RRN3: variants seen among roughly 807,000 people sequenced by gnomAD.
The protein encoded by RRN3 is RNA polymerase I-specific transcription initiation factor RRN3.
RRN3 carries 38 observed loss-of-function variants against 82.3 expected under a neutral mutation model. The ratio of observed to expected loss-of-function variants is 0.46; its 90% CI spans 0.36 to 0.61. The LOEUF (loss-of-function observed/expected upper bound fraction) is 0.61. Ranked by LOEUF, RRN3 falls within the 20% of genes least tolerant of loss-of-function variation. The probability of loss-of-function intolerance (pLI) is 0.00; values close to 1 mark genes in which losing one functional copy is unlikely to be tolerated. For missense variants in RRN3, 726 were observed against 793.1 expected (o/e 0.92, Z 1.02); for synonymous variants, 284 against 284.3 (o/e 1.00, Z 0.01).
chr16:15,082,447 TA>T (rs2045746900), intron 8 of RRN3, among the ~76,000 whole-genome samples: 1 of 152,042 alleles, frequency 6.6e-6, no homozygotes, highest in South Asian at 2.1e-4. Context: ...TGGAGACGGG[TA>T]GATCGCTTGA....
chr16:15,083,393 G>A (rs1035890699), intron 8 of RRN3, 120 bp downstream of exon 8: 38 of 1,435,402 alleles, frequency 2.6e-5, no homozygotes, highest in African/African-American at 1.2e-4. Flanking sequence ...AGTGAGACTC[G>A]GTCTCAAAAA....
chr16:15,066,463 T>C (rs1368683621), intron 15 of RRN3, among the ~76,000 whole-genome samples: 1 of 151,734 alleles, frequency 6.6e-6, no homozygotes, highest in Non-Finnish European at 1.5e-5. Flanking sequence ...TGAAACCCCA[T>C]CTCTACTAAA....
chr16:15,090,125 G>T (rs1434160522), intron 3 of RRN3, among the ~76,000 whole-genome samples: 1 of 151,930 alleles, frequency 6.6e-6, no homozygotes, highest in Non-Finnish European at 1.5e-5. Context: ...CAGGAGAATT[G>T]CTTGAACCCA....
intron 3 of RRN3, 52 bp downstream of exon 3, chr16:15,091,263 T>A (rs1184432963): frequency 3.7e-6 from 6 of 1,603,026 alleles, no homozygotes; most frequent in South Asian, 2.2e-5. Flanking sequence ...GCAAACTATG[T>A]CTGTATACAG....
chr16:15,073,303 C>A (rs936578156), intron 11 of RRN3, among the ~76,000 whole-genome samples: 12 of 151,856 alleles, frequency 7.9e-5, no homozygotes, highest in Admixed American at 5.2e-4. Context: ...TACAAAAAAT[C>A]AAAAAATTAG....
chr16:15,060,260 AT>A lies in RRN3; in HGVS notation c.*1483del. ...TTTTATCTAATATTAAAAAATCAAC[AT>A]TTTGCCAGCAGTTAAAAAGACAACC... On this transcript the variant is annotated 3_prime_UTR_variant, in exon 18 of 18. Transcript: ENST00000198767. 6.1e-6 allele frequency: 2 copies of A among 326,104 alleles called. No individual in the cohort carries two copies. The highest frequency in any genetic ancestry group is 4.1e-4 in the Middle Eastern group (1 of 2,436). The allele number at this position is 326,104 out of a possible 1,614,324, so 20.2% of individuals were successfully genotyped here.
intron 8 of RRN3, among the ~76,000 whole-genome samples, chr16:15,080,358 C>G (rs1304984045): frequency 6.6e-6 from 1 of 152,184 alleles, no homozygotes; most frequent in African/African-American, 2.4e-5. Context: ...ATATATCATA[C>G]AATCACCAAC....
At chr16:15,082,391 G>A (rs1048818776) in intron 8 of RRN3, among the ~76,000 whole-genome samples, 2 of 151,726 alleles carry the variant, frequency 1.3e-5, no homozygotes, top group African/African-American at 4.8e-5. Flanking sequence ...ACTCAATCTC[G>A]GCCGGTCACG....
intron 16 of RRN3, among the ~76,000 whole-genome samples, chr16:15,064,328 C>T (rs892991084): frequency 6.6e-6 from 1 of 152,090 alleles, no homozygotes; most frequent in African/African-American, 2.4e-5. Context: ...GGCGCCACCA[C>T]CACACCCAGC....
At position 15,086,192 on chromosome 16, in the gene RRN3, C is replaced by G. The variant is rs1340936478; in HGVS notation, c.409G>C (p.Val137Leu). 1 of 1,591,394 alleles carries G rather than the reference C, an allele frequency of 6.3e-7. No individual in the cohort carries two copies. Among genetic ancestry groups the G allele is most frequent in the South Asian group, 1.1e-5 (1 of 89,114 alleles). The change falls in exon 5 of 18, where the codon GTA becomes CTA. Residue 137 changes from valine to leucine, a missense_variant. Transcript: ENST00000198767. ...CTGAGGAAAACAGTCTGTGCTGATACAAGATTACCAAGAAAAGCCAAATAC... is the reference window on the plus strand; with the variant it reads ...CTGAGGAAAACAGTCTGTGCTGATAGAAGATTACCAAGAAAAGCCAAATAC... Reference protein sequence around the residue: ...EEYLAFLGNLVSAQTVFLRPC... With the variant: ...EEYLAFLGNLLSAQTVFLRPC...
intron 10 of RRN3, 45 bp from the exon 11 acceptor site, chr16:15,074,906 C>T (rs2045387058): frequency 6.5e-7 from 1 of 1,548,676 alleles, no homozygotes; most frequent in Admixed American, 1.9e-5. Context: ...AATTCAATGT[C>T]AAAGTGGTTT....
intron 10 of RRN3, 109 bp downstream of exon 10, chr16:15,076,449 G>C (rs1202270725): frequency 3.7e-6 from 3 of 813,582 alleles, no homozygotes; most frequent in Non-Finnish European, 2.2e-6. Context: ...CAAGTTTGCT[G>C]AACTATTTTA....
At chr16:15,072,770 AAAAG>A (rs2045290993) in intron 12 of RRN3, among the ~76,000 whole-genome samples, 176 bp downstream of exon 12, 1 of 152,192 alleles carries the variant, frequency 6.6e-6, no homozygotes, top group Admixed American at 6.5e-5. Flanking sequence ...TGTGTCTCAA[AAAAG>A]AAAGGAAAAG....
intron 8 of RRN3, among the ~76,000 whole-genome samples, chr16:15,082,635 T>C (rs1328944189): frequency 1.3e-5 from 2 of 151,754 alleles, no homozygotes; most frequent in Non-Finnish European, 2.9e-5. Context: ...ATGGTGCCAC[T>C]GCACTCCAGC....
rs2045451950 is a variant in RRN3, at chr16:15,076,292, T to C, written c.858+266A>G. 14 of 595,238 alleles carry C rather than the reference T, an allele frequency of 2.4e-5. No homozygotes were observed. The South Asian group carries it at 2.8e-4, about 12-fold the overall frequency. 36.9% of individuals were successfully genotyped at this position (595,238 alleles called of 1,614,324 possible). A position where few individuals can be genotyped will look rare whatever the true frequency, so the allele number is the denominator to read the frequency against. ...ATTAACCACGCCCTCACAGACAGCA[T>C]CTGGCTTACAAAAACAAACACTGAA... is the stretch of plus-strand genomic sequence containing the variant. On this transcript the variant is annotated intron_variant, in intron 10 of 17. Coordinates refer to ENST00000198767, the MANE Select transcript of RRN3 (RefSeq NM_018427.5).
At chr16:15,062,586 G>A (rs1182557021) in intron 17 of RRN3, among the ~76,000 whole-genome samples, 1 of 152,172 alleles carries the variant, frequency 6.6e-6, no homozygotes, top group East Asian at 1.9e-4. Context: ...GTTGCAACCT[G>A]CGTCTTCACC....
intron 2 of RRN3, among the ~76,000 whole-genome samples, chr16:15,091,633 C>T (rs1442909543): frequency 6.6e-6 from 1 of 152,028 alleles, no homozygotes; most frequent in Non-Finnish European, 1.5e-5. Context: ...GTTGATACTC[C>T]TGCGAATTCT....
At chr16:15,079,615 T>C (rs1207411788) in intron 9 of RRN3, among the ~76,000 whole-genome samples, 1 of 150,204 alleles carries the variant, frequency 6.7e-6, no homozygotes. Flanking sequence ...TTTTTTGAGA[T>C]GGAGTCTCGC....
At position 15,070,248 on chromosome 16, in the gene RRN3, T is replaced by A; in HGVS notation, c.1266A>T (p.Val422=). ...TAACCAAAAGATCTAGGCATGATTT[T>A]ACAGTACTAGAGAAAAGAAAAATTC... ...ARAKFIPLIT[V]KSCLDLLVNW... Residue 422 remains valine, a synonymous_variant, in exon 14 of 18, where the codon GTA becomes GTT. Coordinates refer to ENST00000198767, the MANE Select transcript of RRN3 (RefSeq NM_018427.5). 6.2e-7 allele frequency: 1 copy of A among 1,611,454 alleles called. No individual in the cohort carries two copies. The highest frequency in any genetic ancestry group is 8.5e-7 in the Non-Finnish European group (1 of 1,179,782).
Sources: allele counts gnomAD v4.1 joint callset (sites outside exome capture counted in the v4.1 genomes callset), GRCh38; gene constraint gnomAD v4.1.1; transcripts MANE v1.5; gene names NCBI Gene and HGNC (gene_info 2026-07-23, HGNC 2026-07-21).